GNA14: variants seen among roughly 807,000 people sequenced by gnomAD.
The protein encoded by GNA14 is G protein subunit alpha 14.
A neutral mutation model predicts 42.0 loss-of-function variants in GNA14; 50 were observed. That is an observed-to-expected ratio of 1.19 (90% CI 0.95 to 1.51). GNA14 has a LOEUF of 1.51. GNA14 is among the 40% of genes most tolerant of loss of function. The pLI, the probability that GNA14 is intolerant of heterozygous loss-of-function variation, is 0.00. For synonymous variants in GNA14, 173 were observed against 163.1 expected (o/e 1.06, Z -0.46); for missense variants, 473 against 446.2 (o/e 1.06, Z -0.54).
intron 1 of GNA14, among the ~76,000 whole-genome samples, chr9:77,588,393 G>A (rs984093138): frequency 2.0e-5 from 3 of 152,186 alleles, no homozygotes; most frequent in African/African-American, 7.2e-5. Context: ...GAATGTGAAA[G>A]TAACAAGCAG....
chr9:77,425,809 C>T (rs1313980746), intron 5 of GNA14, 94 bp from the exon 6 acceptor site: 6 of 957,682 alleles, frequency 6.3e-6, no homozygotes, highest in Non-Finnish European at 7.9e-6. Context: ...CTTCCCTTGC[C>T]CCGCCGCAGT....
At chr9:77,532,127 T>C (rs1432299346) in intron 1 of GNA14, among the ~76,000 whole-genome samples, 1 of 152,108 alleles carries the variant, frequency 6.6e-6, no homozygotes, top group East Asian at 1.9e-4. Flanking sequence ...TGTATTTTTT[T>C]TTTCCAGAAG....
chr9:77,436,777 G>C (rs1835644829), intron 2 of GNA14, among the ~76,000 whole-genome samples: 1 of 152,212 alleles, frequency 6.6e-6, no homozygotes, highest in Non-Finnish European at 1.5e-5. Context: ...CCAGAACCTA[G>C]TGCAGTGCCT....
chr9:77,645,127 C>T (rs1055087364), intron 1 of GNA14, among the ~76,000 whole-genome samples: 1 of 152,226 alleles, frequency 6.6e-6, no homozygotes. Flanking sequence ...AACATCCTCA[C>T]ATCATTTTTT....
At chr9:77,563,138 G>C (rs192292836) in intron 1 of GNA14, among the ~76,000 whole-genome samples, 149 of 152,270 alleles carry the variant, frequency 9.8e-4, no homozygotes, top group Non-Finnish European at 1.8e-4. Context: ...CTGCTGCACA[G>C]CAAATGTAAA....
At chr9:77,519,246 A>C (rs1185118983) in intron 2 of GNA14, among the ~76,000 whole-genome samples, 1 of 152,092 alleles carries the variant, frequency 6.6e-6, no homozygotes. Context: ...CCTCATCTCT[A>C]CTAAAAATAC....
intron 2 of GNA14, among the ~76,000 whole-genome samples, chr9:77,458,547 T>A (rs1012746703): frequency 3.9e-5 from 6 of 152,186 alleles, no homozygotes; most frequent in African/African-American, 1.4e-4. Context: ...CAAATAAAAA[T>A]ACAGGACATC....
intron 1 of GNA14, among the ~76,000 whole-genome samples, chr9:77,617,938 C>G (rs1348635251): frequency 6.6e-6 from 1 of 152,014 alleles, no homozygotes; most frequent in Non-Finnish European, 1.5e-5. Flanking sequence ...GTTCCCAGGT[C>G]TCCAGCCTCC....
chr9:77,467,000 G>GGTGTGTGTGTGTGTGTGTGTGT (rs59321037), intron 2 of GNA14, among the ~76,000 whole-genome samples: 1 of 143,506 alleles, frequency 7.0e-6, no homozygotes, highest in Non-Finnish European at 1.5e-5. Flanking sequence ...TTTACCACTC[G>GGTGTGTGTGTGTGTGTGTGTGT]GTGTGTGTGT....
intron 1 of GNA14, among the ~76,000 whole-genome samples, chr9:77,644,437 CAAAAAAAAAAA>C (rs764737417): frequency 7.9e-4 from 27 of 34,018 alleles, no homozygotes; most frequent in South Asian, 3.5e-3. Flanking sequence ...TAAAGAGTGT[CAAAAAAAAAAA>C]AAAAAAAAAA....
chr9:77,488,641 G>A (rs1294974029), intron 2 of GNA14, among the ~76,000 whole-genome samples: 1 of 151,896 alleles, frequency 6.6e-6, no homozygotes, highest in Non-Finnish European at 1.5e-5. Flanking sequence ...CATTCAGATG[G>A]GCAGCACTCT....
intron 2 of GNA14, among the ~76,000 whole-genome samples, chr9:77,459,916 C>A (rs1223771506): frequency 2.6e-5 from 4 of 152,170 alleles, no homozygotes; most frequent in Non-Finnish European, 1.5e-5. Context: ...TGTGGCCGGG[C>A]AGAGGAGACT....
chr9:77,621,086 A>C (rs1823914824), intron 1 of GNA14, among the ~76,000 whole-genome samples: 1 of 151,808 alleles, frequency 6.6e-6, no homozygotes, highest in Admixed American at 6.6e-5. Flanking sequence ...GGAGCATGCC[A>C]CCATGTTCAG....
chr9:77,487,927 G>A (rs867727814), intron 2 of GNA14, among the ~76,000 whole-genome samples: 16 of 152,012 alleles, frequency 1.1e-4, no homozygotes, highest in African/African-American at 3.9e-4. Flanking sequence ...AACATACCAC[G>A]TTGGGCACTG....
chr9:77,443,320 C>T (rs150023966), intron 2 of GNA14, among the ~76,000 whole-genome samples: 70 of 152,090 alleles, frequency 4.6e-4, no homozygotes, highest in East Asian at 4.4e-3. Flanking sequence ...TAAGACTTCA[C>T]GTAAAAAAAT....
chr9:77,587,011 TG>T (rs905217890), intron 1 of GNA14, among the ~76,000 whole-genome samples: 11 of 151,396 alleles, frequency 7.3e-5, no homozygotes, highest in East Asian at 1.9e-4. Context: ...ATAAATGATT[TG>T]GGGGCTGCTT....
chr9:77,427,740 G>A (rs546892859), intron 5 of GNA14, among the ~76,000 whole-genome samples: 3 of 152,314 alleles, frequency 2.0e-5, no homozygotes, highest in South Asian at 2.1e-4. Flanking sequence ...ACTCTGAGGG[G>A]ACAACGCATG....
chr9:77,568,836 T>C (rs549970037), intron 1 of GNA14, among the ~76,000 whole-genome samples: 1 of 152,302 alleles, frequency 6.6e-6, no homozygotes, highest in East Asian at 1.9e-4. Context: ...CAAACCCCCT[T>C]CAGCTGGTCT....
At chr9:77,517,583 T>A (rs512270) in intron 2 of GNA14, 1 of 134,766 alleles carries the variant, frequency 7.4e-6, no homozygotes, top group Non-Finnish European at 1.6e-5. Flanking sequence ...CTTATCCTGG[T>A]ACTTTTCTTT....
Sources: gnomAD v4.1 joint callset for allele counts (sites outside exome capture counted in the v4.1 genomes callset) on GRCh38, gnomAD v4.1.1 for gene constraint, MANE v1.5 for transcripts, NCBI Gene and HGNC (gene_info 2026-07-23, HGNC 2026-07-21) for gene names.